Variants in SLCO1A2 observed in about 807,000 individuals in gnomAD.
The protein encoded by SLCO1A2 is solute carrier organic anion transporter family member 1A2, also known as OATP-1.
A neutral mutation model predicts 69.0 loss-of-function variants in SLCO1A2; 67 were observed. The observed-to-expected ratio is 0.97, with a 90% CI of 0.80 to 1.19. The LOEUF (loss-of-function observed/expected upper bound fraction) is 1.19. SLCO1A2 is among the 50% of genes most tolerant of loss of function. SLCO1A2 has a pLI of 0.00. For missense variants in SLCO1A2, 787 were observed against 793.7 expected, an observed-to-expected ratio of 0.99 and a Z score of 0.10; for synonymous variants, 260 against 265.9, an observed-to-expected ratio of 0.98 and a Z score of 0.22.
intron 14 of SLCO1A2, among the ~76,000 whole-genome samples, chr12:21,271,985 C>T (rs1942960864): frequency 1.3e-5 from 2 of 151,332 alleles, no homozygotes; most frequent in East Asian, 3.9e-4. Flanking sequence ...CATTGACATA[C>T]AGTTCTAATT....
intron 2 of SLCO1A2, among the ~76,000 whole-genome samples, chr12:21,326,441 T>C (rs192809991): frequency 6.6e-6 from 1 of 152,184 alleles, no homozygotes; most frequent in East Asian, 1.9e-4. Context: ...TGTAGGAAAG[T>C]TTGGAGCTTC....
chr12:21,362,933 C>G (rs557508113), intron 2 of SLCO1A2, among the ~76,000 whole-genome samples: 1 of 152,264 alleles, frequency 6.6e-6, no homozygotes, highest in East Asian at 1.9e-4. Flanking sequence ...TAGACTCCCA[C>G]ACAATAATAA....
chr12:21,347,627 A>T (rs1953302072), intron 2 of SLCO1A2, among the ~76,000 whole-genome samples: 1 of 151,108 alleles, frequency 6.6e-6, no homozygotes, highest in African/African-American at 2.4e-5. Context: ...CCTGGGTGAA[A>T]GAGCAATTCC....
In SLCO1A2 at chr12:21,331,560, G is replaced by A. The variant is rs61673259; in HGVS notation, c.60+3028C>T. Among the ~76,000 whole-genome samples, 201 of 152,024 alleles carry A rather than the reference G, an allele frequency of 1.3e-3. 1 individual carries two copies. Among genetic ancestry groups the A allele is most frequent in the African/African-American group, 4.6e-3 (190 of 41,520 alleles). On this transcript the variant is annotated intron_variant, in intron 2 of 14. Coordinates refer to ENST00000683939, the MANE Select transcript of SLCO1A2 (RefSeq NM_001386879.1). ...GATTACTGAGCACTCTAATGCTAAG[G>A]AGAAATTAAGACTAGCCGGCTGTCA...
intron 2 of SLCO1A2, among the ~76,000 whole-genome samples, chr12:21,361,532 G>C (rs917004553): frequency 2.0e-5 from 3 of 152,236 alleles, no homozygotes; most frequent in Non-Finnish European, 4.4e-5. Flanking sequence ...AAGCTGGACA[G>C]AGAATGACTT....
intron 1 of SLCO1A2, among the ~76,000 whole-genome samples, chr12:21,392,072 C>T (rs1252966067): frequency 6.6e-6 from 1 of 152,196 alleles, no homozygotes; most frequent in Non-Finnish European, 1.5e-5. Flanking sequence ...AAAACTGACT[C>T]TTTCTCTTAA....
chr12:21,370,890 C>A (rs1411506272), intron 2 of SLCO1A2, among the ~76,000 whole-genome samples: 1 of 152,132 alleles, frequency 6.6e-6, no homozygotes, highest in Non-Finnish European at 1.5e-5. Context: ...TGGGGCTTAG[C>A]CCTCAAGGGT....
intron 3 of SLCO1A2, 22 bp from the exon 4 acceptor site, chr12:21,314,703 T>A (rs1285341625): frequency 1.3e-6 from 2 of 1,552,746 alleles, no homozygotes; most frequent in South Asian, 1.1e-5. Flanking sequence ...TTGAGAATAA[T>A]CATTTTAAAA....
At chr12:21,335,421 T>G (rs1952850570), upstream of SLCO1A2, among the ~76,000 whole-genome samples, 1 of 152,062 alleles carries the variant, frequency 6.6e-6, no homozygotes, top group Non-Finnish European at 1.5e-5. Context: ...TATGTACAGA[T>G]GTATAACATA....
At chr12:21,401,107 G>T (rs891591139) in intron 1 of SLCO1A2, among the ~76,000 whole-genome samples, 1 of 151,574 alleles carries the variant, frequency 6.6e-6, no homozygotes, top group Non-Finnish European at 1.5e-5. Flanking sequence ...CACTGTTGTG[G>T]TATTTCTTGC....
At chr12:21,386,835 A>G (rs12320968) in intron 1 of SLCO1A2, among the ~76,000 whole-genome samples, 6,199 of 152,098 alleles carry the variant, frequency 0.041, 167 homozygotes, top group African/African-American at 0.077. Flanking sequence ...TGAAGAGAAG[A>G]CAGGAAAATG....
intron 14 of SLCO1A2, among the ~76,000 whole-genome samples, chr12:21,272,660 T>TTGATC (rs1943087463): frequency 6.6e-6 from 1 of 152,166 alleles, no homozygotes; most frequent in Admixed American, 6.6e-5. Context: ...TTTTATATTT[T>TTGATC]TGATCTATCT....
upstream of SLCO1A2, among the ~76,000 whole-genome samples, chr12:21,395,915 G>A (rs1360794140): frequency 3.1e-3 from 470 of 151,148 alleles, 5 homozygotes; most frequent in Admixed American, 5.1e-3. Context: ...AAACCACAAA[G>A]ATGGGGAAAA....
At chr12:21,401,908 TAATA>T (rs1054846064) in intron 1 of SLCO1A2, among the ~76,000 whole-genome samples, 8 of 151,476 alleles carry the variant, frequency 5.3e-5, no homozygotes, top group African/African-American at 1.5e-4. Context: ...TACATATACA[TAATA>T]AATATATAAT....
rs192211843 is a variant in SLCO1A2 at position 21,275,307 on chromosome 12, T to A, written c.1675+53A>T. The A allele has an allele frequency of 4.3e-4, 590 of 1,366,476 alleles. 2 individuals are homozygous for A. The African/African-American group carries it at 7.5e-3, about 17-fold the overall frequency. 84.6% of individuals were successfully genotyped at this position (1,366,476 alleles called of 1,614,324 possible). ...CTAAAACTTAAAGTGTAATAAAAAA[T>A]AATAATAATAATATTGTTCTGATAG... On this transcript the variant is annotated intron_variant, in intron 13 of 14. Transcript: ENST00000683939.
At chr12:21,412,530 G>A (rs996370827) in intron 1 of SLCO1A2, among the ~76,000 whole-genome samples, 1 of 152,130 alleles carries the variant, frequency 6.6e-6, no homozygotes, top group Non-Finnish European at 1.5e-5. Flanking sequence ...GTCTATTAAT[G>A]TGATTAATTG....
intron 1 of SLCO1A2, among the ~76,000 whole-genome samples, chr12:21,406,098 AATTAAG>A (rs1168414507): frequency 5.9e-5 from 9 of 152,236 alleles, no homozygotes; most frequent in Non-Finnish European, 1.2e-4. Flanking sequence ...ATAAGTCAAC[AATTAAG>A]ATTAAGAGGG....
rs1247821969 is a variant in SLCO1A2 at position 21,268,895 on chromosome 12, C to G, written c.*653G>C. On this transcript the variant is annotated 3_prime_UTR_variant, in exon 15 of 15. Transcript: ENST00000683939. ...TGAAAAAAAATCCAACAATCTTTGC[C>G]TCATGATGTTTAATAACCTGCTTAA... 4 of 151,852 alleles carry G rather than the reference C, an allele frequency of 2.6e-5. No homozygotes were observed. Among genetic ancestry groups the G allele is most frequent in the African/African-American group, 9.7e-5 (4 of 41,378 alleles). 9.4% of individuals were successfully genotyped at this position (151,852 alleles called of 1,614,324 possible).
chr12:21,310,888 C>T (rs1181389406), intron 4 of SLCO1A2, among the ~76,000 whole-genome samples: 2 of 152,162 alleles, frequency 1.3e-5, no homozygotes, highest in Non-Finnish European at 2.9e-5. Flanking sequence ...TAGGCGTGAG[C>T]CACCGCGCCC....
Sources: gnomAD v4.1 joint callset for allele counts (sites outside exome capture counted in the v4.1 genomes callset) on GRCh38, gnomAD v4.1.1 for gene constraint, MANE v1.5 for transcripts, NCBI Gene and HGNC (gene_info 2026-07-23, HGNC 2026-07-21) for gene names.